The following NUBPL variants were observed in gnomAD, a reference collection of about 807,000 sequenced individuals.
The protein encoded by NUBPL is NUBP iron-sulfur cluster assembly factor, mitochondrial, also known as iron-sulfur cluster transfer protein NUBPL.
A neutral mutation model predicts 45.7 loss-of-function variants in NUBPL; 31 were observed. That is an observed-to-expected ratio of 0.68 (90% CI 0.51 to 0.92). The LOEUF (loss-of-function observed/expected upper bound fraction) is 0.92, where lower values mean the gene tolerates loss of function less well. NUBPL is among the 40% of genes least tolerant of loss of function. The pLI is 0.00. For synonymous variants in NUBPL, 144 were observed against 140.9 expected (o/e 1.02, Z -0.15); for missense variants, 401 against 398.7 (o/e 1.01, Z -0.05).
At chr14:31,636,834 G>C (rs888498225) in intron 4 of NUBPL, among the ~76,000 whole-genome samples, 4 of 152,066 alleles carry the variant, frequency 2.6e-5, no homozygotes, top group Non-Finnish European at 4.4e-5. Flanking sequence ...TGTATGTGTC[G>C]AGGAATTTAT....
At chr14:31,601,897 C>T (rs2034443937) in intron 4 of NUBPL, among the ~76,000 whole-genome samples, 1 of 152,026 alleles carries the variant, frequency 6.6e-6, no homozygotes, top group Non-Finnish European at 1.5e-5. Flanking sequence ...GGGTATATAC[C>T]CAAAGGACTA....
intron 6 of NUBPL, among the ~76,000 whole-genome samples, chr14:31,702,188 C>T (rs1046225096): frequency 6.6e-6 from 1 of 152,166 alleles, no homozygotes; most frequent in Non-Finnish European, 1.5e-5. Context: ...AAATGCAGAG[C>T]CTCTGTTGTC....
intron 6 of NUBPL, among the ~76,000 whole-genome samples, chr14:31,760,126 AGTGTGT>A (rs147699444): frequency 3.4e-5 from 1 of 29,816 alleles, no homozygotes; most frequent in Admixed American, 4.4e-4. Context: ...TTCTGACTTT[AGTGTGT>A]GTGTGTGTGT....
intron 6 of NUBPL, 54 bp downstream of exon 6, chr14:31,673,628 C>T (rs2036627641): frequency 6.9e-7 from 1 of 1,452,348 alleles, no homozygotes; most frequent in African/African-American, 1.4e-5. Context: ...GTGGTTAATA[C>T]ATTTGCTGAT....
intron 4 of NUBPL, among the ~76,000 whole-genome samples, chr14:31,640,684 A>G (rs2035667683): frequency 6.6e-6 from 1 of 151,296 alleles, no homozygotes; most frequent in Non-Finnish European, 1.5e-5. Context: ...TCAAAAATTT[A>G]TTTTAAAATT....
chr14:31,826,577 A>G (rs2040107450), intron 7 of NUBPL, 52 bp from the exon 8 acceptor site: 3 of 1,516,516 alleles, frequency 2.0e-6, no homozygotes, highest in Non-Finnish European at 2.7e-6. Context: ...GCTGGAAGTA[A>G]TTTCTCCATA....
At chr14:31,633,606 CAG>C (rs1160515331) in intron 4 of NUBPL, among the ~76,000 whole-genome samples, 1 of 152,142 alleles carries the variant, frequency 6.6e-6, no homozygotes, top group Non-Finnish European at 1.5e-5. Flanking sequence ...TGTAGATATT[CAG>C]AGTTACAGAA....
chr14:31,591,387 C>T (rs994343853), intron 3 of NUBPL, among the ~76,000 whole-genome samples: 4 of 152,112 alleles, frequency 2.6e-5, no homozygotes, highest in Non-Finnish European at 5.9e-5. Flanking sequence ...CTCTTGAACT[C>T]CTGACCTCAA....
intron 2 of NUBPL, among the ~76,000 whole-genome samples, chr14:31,563,806 A>G (rs376621314): frequency 6.6e-6 from 1 of 152,194 alleles, no homozygotes; most frequent in Admixed American, 6.5e-5. Flanking sequence ...AAGTTGTATT[A>G]TGTGTAACCT....
chr14:31,774,533 G>A (rs1566555128), intron 6 of NUBPL, among the ~76,000 whole-genome samples: 1 of 152,084 alleles, frequency 6.6e-6, no homozygotes, highest in Admixed American at 6.6e-5. Flanking sequence ...ATAGAGACCC[G>A]AGTTCTTTTC....
chr14:31,611,268 C>T (rs1364758165), intron 4 of NUBPL, among the ~76,000 whole-genome samples: 1 of 152,148 alleles, frequency 6.6e-6, no homozygotes, highest in Non-Finnish European at 1.5e-5. Flanking sequence ...AAATTGGTAG[C>T]ATTTTTATAT....
chr14:31,633,004 A>T (rs1188817828), intron 4 of NUBPL, among the ~76,000 whole-genome samples: 1 of 152,232 alleles, frequency 6.6e-6, no homozygotes, highest in East Asian at 1.9e-4. Flanking sequence ...GACTTTCTGT[A>T]AGTCATTTAG....
At chr14:31,642,181 C>G (rs2035721808) in intron 4 of NUBPL, among the ~76,000 whole-genome samples, 3 of 152,020 alleles carry the variant, frequency 2.0e-5, no homozygotes, top group Non-Finnish European at 4.4e-5. Flanking sequence ...AGCTTTTTAG[C>G]TTGGTATGAT....
intron 6 of NUBPL, among the ~76,000 whole-genome samples, chr14:31,781,791 C>T (rs184233242): frequency 2.0e-5 from 3 of 152,260 alleles, no homozygotes; most frequent in Non-Finnish European, 4.4e-5. Flanking sequence ...ATGACTTACT[C>T]AGACCATCTA....
At chr14:31,564,550 C>T in intron 2 of NUBPL, among the ~76,000 whole-genome samples, 1 of 150,960 alleles carries the variant, frequency 6.6e-6, no homozygotes, top group Admixed American at 6.6e-5. Context: ...GTGGTGGTGC[C>T]CACCTGTGGT....
chr14:31,638,828 A>G (rs1439924135), intron 4 of NUBPL, among the ~76,000 whole-genome samples: 2 of 151,978 alleles, frequency 1.3e-5, no homozygotes, highest in East Asian at 3.9e-4. Context: ...GCTTCATTTC[A>G]TTCATTTCAT....
chr14:31,714,083 C>T lies in NUBPL; in HGVS notation c.513+40509C>T, dbSNP rs190640543. Among the ~76,000 whole-genome samples the T allele has an allele frequency of 4.6e-5, 7 of 152,294 alleles. No homozygotes were observed. In the East Asian group the frequency reaches 9.7e-4, roughly 21 times the overall value. ...AAAGTCAAAAGATAATCTAGTTGCT[C>T]TTAGAGCTGAGTGTGGCCATGTGAA... On this transcript the variant is annotated intron_variant, in intron 6 of 10. Transcript: ENST00000281081.
chr14:31,678,741 C>T (rs925483812), intron 6 of NUBPL, among the ~76,000 whole-genome samples: 1 of 152,190 alleles, frequency 6.6e-6, no homozygotes, highest in Non-Finnish European at 1.5e-5. Flanking sequence ...ACGACCTGTG[C>T]AGCCTGGGGT....
At position 31,673,223 on chromosome 14, in the gene NUBPL, G is replaced by A. The variant is rs8013105; in HGVS notation, c.383-132G>A. 6,892 of 688,624 alleles carry A rather than the reference G, an allele frequency of 0.01. 328 individuals carry two copies. The African/African-American group carries it at 0.11, about 11-fold the overall frequency. 42.7% of individuals were successfully genotyped at this position (688,624 alleles called of 1,614,324 possible). On this transcript the variant is annotated intron_variant, in intron 4 of 10. Coordinates refer to ENST00000281081, the MANE Select transcript of NUBPL (RefSeq NM_025152.3). Reference sequence around the variant, plus strand: ...ATGTAGACATGTATCATAACATTACGTTGTACCCCGTAAACATATGCAATT... The same window carrying A: ...ATGTAGACATGTATCATAACATTACATTGTACCCCGTAAACATATGCAATT...
Sources: allele counts gnomAD v4.1 joint callset (sites outside exome capture counted in the v4.1 genomes callset), GRCh38; gene constraint gnomAD v4.1.1; transcripts MANE v1.5; gene names NCBI Gene and HGNC (gene_info 2026-07-23, HGNC 2026-07-21).